The following EPHB1 variants were observed in gnomAD, a reference collection of about 807,000 sequenced individuals.
The protein encoded by EPHB1 is ephrin type-B receptor 1.
A neutral mutation model predicts 94.4 loss-of-function variants in EPHB1; 30 were observed. The ratio of observed to expected loss-of-function variants is 0.32; its 90% CI spans 0.24 to 0.43. The LOEUF is 0.43. Ranked by LOEUF, EPHB1 falls within the 20% of genes least tolerant of loss-of-function variation. The pLI, the probability that EPHB1 is intolerant of heterozygous loss-of-function variation, is 1.00. For synonymous variants in EPHB1, 522 were observed against 489.1 expected, an observed-to-expected ratio of 1.07 and a Z score of -0.89; for missense variants, 1,055 against 1,308.3, an observed-to-expected ratio of 0.81 and a Z score of 2.99.
chr3:134,953,121 G>A (rs1045447955), intron 3 of EPHB1, among the ~76,000 whole-genome samples: 9 of 152,152 alleles, frequency 5.9e-5, no homozygotes, highest in Non-Finnish European at 8.8e-5. Flanking sequence ...TCCATTGTGA[G>A]CCTCCTGCCA....
At chr3:134,909,310 G>A (rs770638755) in intron 1 of EPHB1, among the ~76,000 whole-genome samples, 4 of 152,194 alleles carry the variant, frequency 2.6e-5, no homozygotes, top group Non-Finnish European at 5.9e-5. Context: ...CCTTCTGAAA[G>A]TTGGAACCAG....
Position 135,076,253 on chromosome 3 carries a change from AT to A in EPHB1, c.806-30194del, listed in dbSNP as rs1559820151. Among the ~76,000 whole-genome samples the A allele has an allele frequency of 8.3e-3, 720 of 86,610 alleles. 17 individuals are homozygous for A. Among genetic ancestry groups the A allele is most frequent in the African/African-American group, 0.021 (668 of 31,816 alleles). 56.8% of individuals were successfully genotyped at this position (86,610 alleles called of 152,430 possible). A position where few individuals can be genotyped will look rare whatever the true frequency, so the allele number is the denominator to read the frequency against. On this transcript the variant is annotated intron_variant, in intron 3 of 15. Coordinates refer to ENST00000398015, the MANE Select transcript of EPHB1 (RefSeq NM_004441.5). ...AAAAGGGATATATATATATATATAT[AT>A]ATATATAACTCTTAAATGCATTAGT...
At chr3:134,985,230 T>C (rs1274458684) in intron 3 of EPHB1, among the ~76,000 whole-genome samples, 2 of 152,168 alleles carry the variant, frequency 1.3e-5, no homozygotes, top group Non-Finnish European at 2.9e-5. Flanking sequence ...CTCAGCTCAC[T>C]GCAACCTCCA....
chr3:134,796,333 C>G, intron 1 of EPHB1: 1 of 156,466 alleles, frequency 6.4e-6, no homozygotes, highest in Non-Finnish European at 1.4e-5. Context: ...TTTCCAGGGT[C>G]AGTCGGGGAG....
At chr3:135,211,438 G>T (rs191930484) in intron 12 of EPHB1, among the ~76,000 whole-genome samples, 33 of 152,242 alleles carry the variant, frequency 2.2e-4, no homozygotes, top group Non-Finnish European at 7.4e-5. Flanking sequence ...CATTCCTTCA[G>T]TCTGAAGAAC....
chr3:135,051,097 C>CA (rs1937156872), intron 3 of EPHB1, among the ~76,000 whole-genome samples: 1 of 152,180 alleles, frequency 6.6e-6, no homozygotes, highest in Non-Finnish European at 1.5e-5. Flanking sequence ...TATGGCAACA[C>CA]AAGCAAACCA....
At chr3:134,931,709 A>G (rs1191508676) in intron 2 of EPHB1, among the ~76,000 whole-genome samples, 1 of 152,188 alleles carries the variant, frequency 6.6e-6, no homozygotes, top group African/African-American at 2.4e-5. Context: ...CTCCGTGTGT[A>G]TGTATGTGTG....
In EPHB1 at chr3:135,259,239, C is replaced by T; in HGVS notation, c.*119C>T. 1 of 753,288 alleles carries T rather than the reference C, an allele frequency of 1.3e-6. No homozygotes were observed. Among genetic ancestry groups the T allele is most frequent in the Non-Finnish European group, 2.2e-6 (1 of 464,984 alleles). The allele number at this position is 753,288 out of a possible 1,614,324, so 46.7% of individuals were successfully genotyped here. On this transcript the variant is annotated 3_prime_UTR_variant, in exon 16 of 16. Coordinates refer to ENST00000398015, the MANE Select transcript of EPHB1 (RefSeq NM_004441.5). Reference sequence around the variant, plus strand: ...GCTTCTCAGCTGAGGAATGCATTTCCATCAGTGAAGAATCAACCGGACCTG... The same window carrying T: ...GCTTCTCAGCTGAGGAATGCATTTCTATCAGTGAAGAATCAACCGGACCTG...
In EPHB1 at chr3:135,192,780, TCA is replaced by T; in HGVS notation, c.2090_2091del (p.Thr697ArgfsTer16). 1 of 1,614,146 alleles carries T rather than the reference TCA, an allele frequency of 6.2e-7. No homozygotes were observed. Among genetic ancestry groups the T allele is most frequent in the Non-Finnish European group, 8.5e-7 (1 of 1,180,010 alleles). Reference sequence around the variant, plus strand: ...ACCAAGAGTCGGCCTGTCATGATCATCACAGAGTTCATGGAGAATGGTGCATT... The same window carrying T: ...ACCAAGAGTCGGCCTGTCATGATCATCAGAGTTCATGGAGAATGGTGCATT... On this transcript the variant is annotated frameshift_variant, in exon 11 of 16. Coordinates refer to ENST00000398015, the MANE Select transcript of EPHB1 (RefSeq NM_004441.5). LOFTEE classifies it high-confidence loss of function.
At chr3:135,042,851 A>G (rs987203812) in intron 3 of EPHB1, among the ~76,000 whole-genome samples, 2 of 150,746 alleles carry the variant, frequency 1.3e-5, no homozygotes, top group Non-Finnish European at 3.0e-5. Flanking sequence ...TTTATTTTTT[A>G]TTTTTTTTGA....
chr3:135,007,375 CCAGA>C (rs938463840), intron 3 of EPHB1, among the ~76,000 whole-genome samples: 48 of 152,290 alleles, frequency 3.2e-4, no homozygotes, highest in African/African-American at 1.0e-3. Flanking sequence ...TTCTGAAGAA[CCAGA>C]CACTCTTCTG....
chr3:134,837,043 C>T (rs548913123), intron 1 of EPHB1, among the ~76,000 whole-genome samples: 6 of 152,338 alleles, frequency 3.9e-5, no homozygotes, highest in Admixed American at 1.3e-4. Flanking sequence ...AACATGTTCA[C>T]TCTCAGCTTT....
chr3:134,983,222 A>G (rs777142203), intron 3 of EPHB1, among the ~76,000 whole-genome samples: 6 of 152,182 alleles, frequency 3.9e-5, no homozygotes, highest in Non-Finnish European at 7.3e-5. Flanking sequence ...GTACCCCTGA[A>G]TATGCATGTG....
intron 1 of EPHB1, among the ~76,000 whole-genome samples, chr3:134,892,480 A>G (rs1485163996): frequency 6.6e-6 from 1 of 152,192 alleles, no homozygotes. Flanking sequence ...TCCCAACTCT[A>G]TTTGCGTGAG....
intron 10 of EPHB1, among the ~76,000 whole-genome samples, chr3:135,184,063 G>C (rs766133017): frequency 6.6e-6 from 1 of 152,190 alleles, no homozygotes; most frequent in Non-Finnish European, 1.5e-5. Context: ...GTTGATGCTA[G>C]GATCAAGGCT....
intron 1 of EPHB1, among the ~76,000 whole-genome samples, chr3:134,806,584 T>G (rs2108284311): frequency 6.6e-6 from 1 of 152,270 alleles, no homozygotes; most frequent in South Asian, 2.1e-4. Context: ...GGAAAACCAC[T>G]GAGTTTGGGG....
At chr3:135,090,128 C>T (rs1938503714) in intron 3 of EPHB1, among the ~76,000 whole-genome samples, 2 of 152,206 alleles carry the variant, frequency 1.3e-5, no homozygotes, top group African/African-American at 2.4e-5. Flanking sequence ...TCCAACCCTT[C>T]GCTGCCTCTG....
chr3:135,210,342 TGCTGAATAGGGA>T (rs539339712), intron 12 of EPHB1, among the ~76,000 whole-genome samples: 93 of 152,310 alleles, frequency 6.1e-4, no homozygotes, highest in Non-Finnish European at 1.1e-3. Context: ...ACAGTAGAGC[TGCTGAATAGGGA>T]GCTGAATATG....
chr3:134,809,915 G>C (rs907264729), intron 1 of EPHB1, among the ~76,000 whole-genome samples: 1 of 152,194 alleles, frequency 6.6e-6, no homozygotes, highest in Non-Finnish European at 1.5e-5. Flanking sequence ...TTTAATGGAT[G>C]TGGCAGCTGA....
Sources: gnomAD v4.1 joint callset for allele counts (sites outside exome capture counted in the v4.1 genomes callset) on GRCh38, gnomAD v4.1.1 for gene constraint, MANE v1.5 for transcripts, NCBI Gene and HGNC (gene_info 2026-07-23, HGNC 2026-07-21) for gene names.